The following TENM1 variants were observed in gnomAD, a reference collection of about 807,000 sequenced individuals.
TENM1 encodes the protein teneurin-1.
A neutral mutation model predicts 174.8 loss-of-function variants in TENM1; 35 were observed. The ratio of observed to expected loss-of-function variants is 0.20; its 90% confidence interval spans 0.15 to 0.27. The LOEUF is 0.27. Ranked by LOEUF, TENM1 falls within the 10% of genes least tolerant of loss-of-function variation. TENM1 has a pLI of 1.00. For missense variants in TENM1, 1,633 were observed against 2,130.1 expected (o/e 0.77, Z 4.59); for synonymous variants, 781 against 798.7 (o/e 0.98, Z 0.37).
At chrX:125,197,727 T>C in the TENM1 span, among the ~76,000 whole-genome samples, 1 of 112,054 alleles carries the variant, frequency 8.9e-6, no homozygotes, top group Non-Finnish European at 1.9e-5. Flanking sequence ...AAAATGTGGA[T>C]ATTAATTTTC....
In TENM1 at chrX:124,408,405, A is replaced by G. The variant is rs774335791; in HGVS notation, c.4983-1916T>C. On this transcript the variant is annotated intron_variant, in intron 25 of 31. Coordinates refer to ENST00000422452, the Ensembl canonical transcript of TENM1. ...TGATTCCCCCTGCCTCAGCCTCCCA[A>G]AGTGCTGGTATTACAGGCGTGAGCC... 4.5e-5 allele frequency among the ~76,000 whole-genome samples: 5 copies of G among 111,423 alleles called. No homozygotes were observed. In the South Asian group the frequency reaches 1.9e-3, roughly 42 times the overall value.
At chrX:125,129,659 T>C in the TENM1 span, among the ~76,000 whole-genome samples, 2 of 110,086 alleles carry the variant, frequency 1.8e-5, no homozygotes, top group Non-Finnish European at 3.8e-5. Flanking sequence ...TCAATTACTA[T>C]AATTTTTAGC....
At chrX:124,534,283 T>A (rs1430077129) in intron 15 of TENM1, among the ~76,000 whole-genome samples, 1 of 111,898 alleles carries the variant, frequency 8.9e-6, no homozygotes, top group Admixed American at 9.5e-5. Context: ...ACAGTTCTGA[T>A]GCAAAAGGTC....
chrX:124,495,638 T>C (rs775945673), intron 20 of TENM1, among the ~76,000 whole-genome samples: 6 of 110,302 alleles, frequency 5.4e-5, no homozygotes, highest in African/African-American at 1.7e-4. Context: ...AGGGTTTTTA[T>C]GGTGCTAGGA....
chrX:124,486,061 T>C (rs1185819058), intron 21 of TENM1, among the ~76,000 whole-genome samples: 2 of 112,026 alleles, frequency 1.8e-5, no homozygotes, highest in Non-Finnish European at 3.8e-5. Context: ...CCATTTCATG[T>C]CATTTCTCAA....
At chrX:124,607,346 T>C (rs1467074016) in intron 11 of TENM1, among the ~76,000 whole-genome samples, 3 of 110,560 alleles carry the variant, frequency 2.7e-5, no homozygotes, top group Admixed American at 9.7e-5. Flanking sequence ...AGGTGGGTAG[T>C]TGCTATTTTA....
intron 3 of TENM1, among the ~76,000 whole-genome samples, chrX:124,872,818 T>G (rs2057134413): frequency 9.0e-6 from 1 of 111,325 alleles, no homozygotes; most frequent in Non-Finnish European, 1.9e-5. Context: ...AGAAACTTGA[T>G]CTCCAAACAT....
At chrX:124,646,466 G>T (rs1029941518) in intron 9 of TENM1, among the ~76,000 whole-genome samples, 1 of 112,010 alleles carries the variant, frequency 8.9e-6, no homozygotes, top group South Asian at 3.7e-4. Flanking sequence ...CATAAAAATT[G>T]GATAATAGCA....
intron 3 of TENM1, among the ~76,000 whole-genome samples, chrX:124,869,899 C>G (rs183986337): frequency 1.8e-5 from 2 of 110,897 alleles, no homozygotes; most frequent in East Asian, 5.7e-4. Flanking sequence ...ACAAATGAGA[C>G]CTACTATACG....
the TENM1 span, among the ~76,000 whole-genome samples, chrX:125,029,760 C>T: frequency 9.0e-6 from 1 of 111,618 alleles, no homozygotes; most frequent in African/African-American, 3.3e-5. Flanking sequence ...CAAGAGGAGA[C>T]TGGCGGTTGT....
intron 3 of TENM1, among the ~76,000 whole-genome samples, chrX:124,768,667 A>G (rs886804952): frequency 1.8e-5 from 2 of 112,580 alleles, no homozygotes; most frequent in South Asian, 3.6e-4. Context: ...TGGATTATTC[A>G]TAACATACAA....
At chrX:125,128,931 A>T in the TENM1 span, among the ~76,000 whole-genome samples, 1 of 111,364 alleles carries the variant, frequency 9.0e-6, no homozygotes, top group African/African-American at 3.3e-5. Context: ...CCTACCCTTC[A>T]GTGTGACTAT....
chrX:124,897,579 T>A (rs2057584098), intron 1 of TENM1, among the ~76,000 whole-genome samples: 1 of 112,595 alleles, frequency 8.9e-6, no homozygotes, highest in African/African-American at 3.2e-5. Context: ...TAACAAAAAA[T>A]TCTTATTGTT....
At chrX:124,411,672 T>TGTTGG (rs1471548347) in intron 25 of TENM1, 1 of 111,698 alleles carries the variant, frequency 9.0e-6, no homozygotes, top group African/African-American at 3.3e-5. Flanking sequence ...ACCTCTCTTC[T>TGTTGG]GTTGGGTCAT....
the TENM1 span, among the ~76,000 whole-genome samples, chrX:124,985,993 C>T: frequency 9.0e-6 from 1 of 111,365 alleles, no homozygotes; most frequent in Non-Finnish European, 1.9e-5. Context: ...ACTGATAAAA[C>T]GTAAGTTAGA....
At chrX:124,762,729 C>T (rs1261704682) in intron 3 of TENM1, among the ~76,000 whole-genome samples, 2 of 111,353 alleles carry the variant, frequency 1.8e-5, no homozygotes, top group Non-Finnish European at 3.8e-5. Flanking sequence ...GTTGCTGGTA[C>T]AATAAATACT....
chrX:124,383,952 T>C (rs1163425659), exon 30 of TENM1: 1 of 1,211,430 alleles, frequency 8.3e-7, no homozygotes, highest in East Asian at 3.0e-5. Context: ...GGGGTACCTG[T>C]ATTATCACAG....
At chrX:125,045,225 C>G in the TENM1 span, among the ~76,000 whole-genome samples, 3 of 111,506 alleles carry the variant, frequency 2.7e-5, no homozygotes, top group South Asian at 7.5e-4. Flanking sequence ...AGTCACAGGT[C>G]TGTCTCTTGA....
At chrX:124,401,275 G>A (rs185114935) in intron 27 of TENM1, among the ~76,000 whole-genome samples, 4 of 111,829 alleles carry the variant, frequency 3.6e-5, no homozygotes, top group Admixed American at 2.8e-4. Context: ...GCCTTTAAAT[G>A]AACCTGTCAT....
Sources: allele counts gnomAD v4.1 joint callset (sites outside exome capture counted in the v4.1 genomes callset), GRCh38; gene constraint gnomAD v4.1.1; transcripts MANE v1.5; gene names NCBI Gene and HGNC (gene_info 2026-07-23, HGNC 2026-07-21).